SCLT1: variants seen among roughly 807,000 people sequenced by gnomAD.
SCLT1 encodes sodium channel and clathrin linker 1.
Under a neutral mutation model 112.8 loss-of-function variants are expected in SCLT1, and 78 were observed. The ratio of observed to expected loss-of-function variants is 0.69; its 90% CI spans 0.58 to 0.83. The LOEUF (loss-of-function observed/expected upper bound fraction) is 0.83. Among genes scored for constraint, SCLT1 ranks in the 40% least tolerant of loss-of-function variants. The pLI is 0.00. For missense variants in SCLT1, 747 were observed against 770.4 expected (o/e 0.97, Z 0.36); for synonymous variants, 257 against 254.7 (o/e 1.01, Z -0.09).
intron 17 of SCLT1, among the ~76,000 whole-genome samples, chr4:128,937,232 C>T (rs989981886): frequency 1.3e-5 from 2 of 148,924 alleles, no homozygotes; most frequent in Non-Finnish European, 3.0e-5. Flanking sequence ...GAGCTGAGAT[C>T]GCACCACTGC....
At chr4:128,914,338 T>G (rs1197442693) in intron 18 of SCLT1, among the ~76,000 whole-genome samples, 1 of 151,760 alleles carries the variant, frequency 6.6e-6, no homozygotes, top group East Asian at 1.9e-4. Flanking sequence ...CACTCCAGCC[T>G]GGGCGAAAGA....
At chr4:128,972,149 A>G (rs1348236397) in intron 9 of SCLT1, 1 of 152,150 alleles carries the variant, frequency 6.6e-6, no homozygotes, top group Non-Finnish European at 1.5e-5. Flanking sequence ...TTTCAGGAGT[A>G]TATCTACAAT....
chr4:128,897,997 A>G (rs1355097368), intron 18 of SCLT1, among the ~76,000 whole-genome samples: 1 of 152,198 alleles, frequency 6.6e-6, no homozygotes, highest in African/African-American at 2.4e-5. Context: ...TATGCACCCA[A>G]TACAGGAGCA....
chr4:128,961,159 G>T (rs1424408943), intron 11 of SCLT1, among the ~76,000 whole-genome samples: 1 of 151,666 alleles, frequency 6.6e-6, no homozygotes, highest in African/African-American at 2.4e-5. Flanking sequence ...TCCATAGATT[G>T]TCAGTGTAAT....
Position 129,093,072 on chromosome 4 carries a change from T to G in SCLT1, c.32A>C (p.Gln11Pro), listed in dbSNP as rs1753000321. 15 of 1,610,650 alleles carry G rather than the reference T, an allele frequency of 9.3e-6. No individual in the cohort carries two copies. The highest frequency in any genetic ancestry group is 1.3e-5 in the Non-Finnish European group (15 of 1,176,726). ...TCTCAAAAAAACATGGAGCTTACTT[T>G]GCTCTCTCAGAAAGTCGATTTCTGC... MAAEIDFLRE[Q>P]NRRLNEDFRR... Residue 11 changes from glutamine (Q) to proline (P), a missense_variant and splice_region_variant, in exon 1 of 21, where the codon CAA becomes CCA. This residue lies in a region of SCLT1 where 723 missense variants were observed against 721.3 expected (regional missense o/e 1.00). Transcript: ENST00000281142.
intron 18 of SCLT1, among the ~76,000 whole-genome samples, chr4:128,932,377 T>C (rs1018815706): frequency 3.3e-5 from 5 of 152,098 alleles, no homozygotes; most frequent in Non-Finnish European, 7.4e-5. Flanking sequence ...AAAACCTAAG[T>C]TAAAATCTAA....
intron 5 of SCLT1, among the ~76,000 whole-genome samples, chr4:129,033,864 A>G (rs1436751834): frequency 1.3e-5 from 2 of 152,216 alleles, no homozygotes; most frequent in African/African-American, 4.8e-5. Context: ...TTATAAACCA[A>G]GATACATATA....
intron 2 of SCLT1, among the ~76,000 whole-genome samples, chr4:129,070,635 G>A (rs1750920180): frequency 6.6e-6 from 1 of 151,840 alleles, no homozygotes; most frequent in African/African-American, 2.4e-5. Context: ...TGAGGTTATT[G>A]GATTTTCTCC....
At chr4:128,965,085 T>A (rs919929654) in intron 11 of SCLT1, 142 bp downstream of exon 11, 2 of 547,824 alleles carry the variant, frequency 3.7e-6, no homozygotes, top group African/African-American at 3.8e-5. Context: ...CAATGTCGAT[T>A]AAATCAGATT....
At chr4:128,955,681 G>A (rs6824219) in intron 13 of SCLT1, among the ~76,000 whole-genome samples, 51,393 of 152,066 alleles carry the variant, frequency 0.34, 11,215 homozygotes, top group African/African-American at 0.62. Flanking sequence ...GCTAAAAATA[G>A]TGCTATCTCT....
intron 11 of SCLT1, among the ~76,000 whole-genome samples, chr4:128,960,313 A>G (rs1186063673): frequency 6.6e-6 from 1 of 152,142 alleles, no homozygotes; most frequent in African/African-American, 2.4e-5. Context: ...ATACACACAT[A>G]TTATACATAC....
intron 3 of SCLT1, among the ~76,000 whole-genome samples, chr4:128,877,317 GATCTGGGATTCAATCCCAGCCT>G (rs1310335093): frequency 1.6e-4 from 25 of 152,132 alleles, no homozygotes; most frequent in Admixed American, 6.5e-4. Context: ...AGTAGGGGTA[GATCTGGGATTCAATCCCAGCCT>G]GTCTGGGATT....
At chr4:129,055,458 C>G (rs1318298030) in intron 2 of SCLT1, among the ~76,000 whole-genome samples, 2 of 152,196 alleles carry the variant, frequency 1.3e-5, no homozygotes, top group Non-Finnish European at 2.9e-5. Flanking sequence ...GGGCTGCTGC[C>G]TTTCTTTCAG....
At chr4:129,012,964 G>C (rs1744669523) in intron 5 of SCLT1, among the ~76,000 whole-genome samples, 1 of 151,980 alleles carries the variant, frequency 6.6e-6, no homozygotes, top group Non-Finnish European at 1.5e-5. Context: ...TCTTTATTCA[G>C]TTTGCCATTC....
intron 14 of SCLT1, among the ~76,000 whole-genome samples, chr4:128,950,648 A>C (rs536042489): frequency 6.6e-6 from 1 of 152,216 alleles, no homozygotes; most frequent in Admixed American, 6.5e-5. Context: ...AACCATATAG[A>C]CCATGATCTG....
At chr4:129,024,944 T>C (rs1289688603) in intron 5 of SCLT1, among the ~76,000 whole-genome samples, 1 of 152,068 alleles carries the variant, frequency 6.6e-6, no homozygotes, top group Non-Finnish European at 1.5e-5. Flanking sequence ...GAAGAAAGGG[T>C]ATCAGTGATG....
intron 2 of SCLT1, among the ~76,000 whole-genome samples, chr4:129,072,819 C>T (rs1368191448): frequency 6.6e-6 from 1 of 151,848 alleles, no homozygotes; most frequent in Non-Finnish European, 1.5e-5. Context: ...GGGATTTATT[C>T]TTGGTTTGGA....
chr4:128,942,386 T>C (rs1462498038), intron 17 of SCLT1, among the ~76,000 whole-genome samples: 1 of 152,042 alleles, frequency 6.6e-6, no homozygotes, highest in Non-Finnish European at 1.5e-5. Flanking sequence ...TTTACAAAAG[T>C]CTCATGACAT....
chr4:128,975,241 G>A (rs1413785054), intron 9 of SCLT1, among the ~76,000 whole-genome samples: 19 of 151,608 alleles, frequency 1.3e-4, no homozygotes, highest in Admixed American at 1.1e-3. Context: ...GGGTTTCACC[G>A]TGTTAGCCAG....
Sources: allele counts gnomAD v4.1 joint callset (sites outside exome capture counted in the v4.1 genomes callset), GRCh38; gene constraint gnomAD v4.1.1; regional missense constraint gnomAD v4.1.1; transcripts MANE v1.5; gene names NCBI Gene and HGNC (gene_info 2026-07-23, HGNC 2026-07-21).